PPP1R12B: variants seen among roughly 807,000 people sequenced by gnomAD.
PPP1R12B encodes myosin phosphatase target subunit 2.
In PPP1R12B, 76 loss-of-function variants were observed where a neutral mutation model predicts 126.1. That is an observed-to-expected ratio of 0.60 (90% confidence interval 0.50 to 0.73). The LOEUF is 0.73. Among genes scored for constraint, PPP1R12B ranks in the 30% least tolerant of loss-of-function variants. The pLI, the probability that PPP1R12B is intolerant of heterozygous loss-of-function variation, is 0.00. For missense variants in PPP1R12B, 1,052 were observed against 1,205.1 expected (o/e 0.87, Z 1.88); for synonymous variants, 356 against 434.7 (o/e 0.82, Z 2.25).
chr1:202,358,555 G>A (rs1021523492), intron 1 of PPP1R12B, among the ~76,000 whole-genome samples: 3 of 152,020 alleles, frequency 2.0e-5, no homozygotes, highest in Non-Finnish European at 2.9e-5. Flanking sequence ...GGTCGCACGC[G>A]CCTGTTGTCC....
At position 202,586,379 on chromosome 1, in the gene PPP1R12B, AAG is replaced by A. The variant is rs1403930280; in HGVS notation, c.*5824_*5825del. On this transcript the variant is annotated 3_prime_UTR_variant, in exon 24 of 24. Transcript: ENST00000608999. ...GTGGAAGCTGCAAGTACTGGGAAGG[AAG>A]AGAGTTTCACAGAAACAAAGCTTTG... 6.6e-6 allele frequency: 1 copy of A among 152,258 alleles called. No individual in the cohort carries two copies. The highest frequency in any genetic ancestry group is 1.5e-5 in the Non-Finnish European group (1 of 68,066). 9.4% of individuals were successfully genotyped at this position (152,258 alleles called of 1,614,324 possible).
At chr1:202,430,699 T>G (rs749166054) in intron 6 of PPP1R12B, 32 bp from the exon 7 acceptor site, 12 of 1,608,774 alleles carry the variant, frequency 7.5e-6, no homozygotes, top group Non-Finnish European at 1.0e-5. Flanking sequence ...AGTCAACTTC[T>G]TCCCTTTTCT....
chr1:202,453,104 A>T (rs1378364362), intron 13 of PPP1R12B, among the ~76,000 whole-genome samples: 1 of 152,158 alleles, frequency 6.6e-6, no homozygotes, highest in Admixed American at 6.5e-5. Flanking sequence ...CAGTATGATA[A>T]TAGCTGTGGG....
Position 202,349,101 on chromosome 1 carries a change from A to G in PPP1R12B, c.250A>G (p.Ile84Val). 1.9e-6 allele frequency: 3 copies of G among 1,614,116 alleles called. No individual in the cohort carries two copies. The highest frequency in any genetic ancestry group is 2.5e-6 in the Non-Finnish European group (3 of 1,180,040). Residue 84 changes from isoleucine to valine, a missense_variant, in exon 1 of 24, where the codon ATC becomes GTC. Transcript: ENST00000608999. ...AAAGCTTCTGGCAAGAGGTGCTGATATCAACACGGTCAACGTGGACGGCTT... is the reference window on the plus strand; with the variant it reads ...AAAGCTTCTGGCAAGAGGTGCTGATGTCAACACGGTCAACGTGGACGGCTT... ...VRKLLARGAD[I>V]NTVNVDGLTA...
intron 18 of PPP1R12B, among the ~76,000 whole-genome samples, chr1:202,534,563 CTTTT>C (rs34606007): frequency 7.5e-6 from 1 of 132,946 alleles, no homozygotes; most frequent in Non-Finnish European, 1.6e-5. Context: ...CTAGCTTTCC[CTTTT>C]TTTTTTTTTT....
rs1572591988 is a variant in PPP1R12B, at chr1:202,587,650, C to G, written c.*7090C>G. ...TGATGGTGGGGAGCCTCTTAAGAGC[C>G]TCTAATGTTCTCCCAAAACCAGAGT... On this transcript the variant is annotated 3_prime_UTR_variant, in exon 24 of 24. Transcript: ENST00000608999. The G allele has an allele frequency of 6.6e-6, 1 of 152,190 alleles. No individual in the cohort carries two copies. The highest frequency in any genetic ancestry group is 6.5e-5 in the Admixed American group (1 of 15,282). The allele number at this position is 152,190 out of a possible 1,614,324, so 9.4% of individuals were successfully genotyped here. A position where few individuals can be genotyped will look rare whatever the true frequency, so the allele number is the denominator to read the frequency against.
chr1:202,366,474 C>T (rs962371880), intron 1 of PPP1R12B, among the ~76,000 whole-genome samples: 29 of 144,318 alleles, frequency 2.0e-4, no homozygotes, highest in Non-Finnish European at 1.2e-4. Context: ...GCCAAGAACG[C>T]ACCACTGCAC....
chr1:202,460,165 C>G (rs1335283832), intron 13 of PPP1R12B, among the ~76,000 whole-genome samples: 3 of 152,150 alleles, frequency 2.0e-5, no homozygotes, highest in African/African-American at 7.2e-5. Flanking sequence ...AATTTTACCT[C>G]TTTTTTAATT....
At chr1:202,438,129 T>C in intron 10 of PPP1R12B, 105 bp downstream of exon 10, 1 of 1,573,610 alleles carries the variant, frequency 6.4e-7, no homozygotes, top group Non-Finnish European at 8.6e-7. Context: ...TAAGTTGATT[T>C]TGGAAATGCA....
chr1:202,366,902 G>A (rs1659337292), intron 1 of PPP1R12B, among the ~76,000 whole-genome samples: 1 of 152,142 alleles, frequency 6.6e-6, no homozygotes, highest in Admixed American at 6.5e-5. Flanking sequence ...CTATTTCATG[G>A]AGTCACTGTA....
chr1:202,440,943 TA>T (rs1202504926), intron 11 of PPP1R12B, among the ~76,000 whole-genome samples, 155 bp downstream of exon 11: 1 of 152,208 alleles, frequency 6.6e-6, no homozygotes, highest in East Asian at 1.9e-4. Context: ...TCTCAACTCT[TA>T]TATCCTTGCT....
At chr1:202,416,083 G>A (rs927726146) in intron 1 of PPP1R12B, among the ~76,000 whole-genome samples, 1 of 152,076 alleles carries the variant, frequency 6.6e-6, no homozygotes, top group African/African-American at 2.4e-5. Flanking sequence ...GCGACAAATA[G>A]GTGGCAGTGA....
chr1:202,564,657 T>C, intron 21 of PPP1R12B, 110 bp downstream of exon 21: 1 of 783,612 alleles, frequency 1.3e-6, no homozygotes, highest in South Asian at 1.7e-5. Flanking sequence ...GATCAGGCCT[T>C]CTCGGGGCAA....
rs539232357 is a variant in PPP1R12B, at chr1:202,406,473, G to A, written c.292-10314G>A. The stretch of plus-strand genomic sequence containing the variant: ...ATATACTAAAATAAAGCTATTTTTA[G>A]GGAGATGGTATTAAGCATTGAAAAT... On this transcript the variant is annotated intron_variant, in intron 1 of 23. Transcript: ENST00000608999. Among the ~76,000 whole-genome samples, 4 of 152,286 alleles carry A rather than the reference G, an allele frequency of 2.6e-5. No homozygotes were observed. The South Asian group carries it at 8.3e-4, about 32-fold the overall frequency.
At chr1:202,573,602 C>T (rs1474206142) in intron 23 of PPP1R12B, among the ~76,000 whole-genome samples, 1 of 152,156 alleles carries the variant, frequency 6.6e-6, no homozygotes, top group Non-Finnish European at 1.5e-5. Flanking sequence ...TTATTCTCCT[C>T]CCAAAGAGTT....
intron 18 of PPP1R12B, among the ~76,000 whole-genome samples, chr1:202,536,076 C>T (rs754522212): frequency 2.0e-5 from 3 of 152,172 alleles, no homozygotes; most frequent in African/African-American, 7.2e-5. Context: ...GTTTTGCTCC[C>T]ATTTTACTGG....
rs1051512234 is a variant in PPP1R12B, at chr1:202,538,613, TAG to T, written c.2491-20261_2491-20260del. On this transcript the variant is annotated intron_variant, in intron 18 of 23. Transcript: ENST00000608999. Reference sequence around the variant, plus strand: ...TCATGTGGAAAAAGGGAAAGCAGGATAGAGTTTCCAAGAGTCCAGAGAAAAGA... The same window carrying T: ...TCATGTGGAAAAAGGGAAAGCAGGATAGTTTCCAAGAGTCCAGAGAAAAGA... Among the ~76,000 whole-genome samples, 16 of 152,334 alleles carry T rather than the reference TAG, an allele frequency of 1.1e-4. 1 individual carries two copies. The highest frequency in any genetic ancestry group is 3.8e-4 in the African/African-American group (16 of 41,572).
chr1:202,544,750 A>G (rs909428070), intron 18 of PPP1R12B, among the ~76,000 whole-genome samples: 6 of 152,250 alleles, frequency 3.9e-5, no homozygotes, highest in Non-Finnish European at 8.8e-5. Flanking sequence ...AAGATGTTAC[A>G]TAATATTTTT....
At chr1:202,552,942 TG>T (rs1453427636) in intron 18 of PPP1R12B, among the ~76,000 whole-genome samples, 1 of 152,144 alleles carries the variant, frequency 6.6e-6, no homozygotes, top group Non-Finnish European at 1.5e-5. Flanking sequence ...AAAGTTTTTG[TG>T]GGGATTTTTC....
Sources: gnomAD v4.1 joint callset for allele counts (sites outside exome capture counted in the v4.1 genomes callset) on GRCh38, gnomAD v4.1.1 for gene constraint, MANE v1.5 for transcripts, NCBI Gene and HGNC (gene_info 2026-07-23, HGNC 2026-07-21) for gene names.